Variants in F9 observed in about 807,000 individuals in gnomAD.
F9 encodes the protein Christmas factor.
A neutral mutation model predicts 34.1 loss-of-function variants in F9; 2 were observed. The observed-to-expected ratio is 0.06, with a 90% CI of 0.02 to 0.18. F9 has a LOEUF of 0.18. Ranked by LOEUF, F9 falls within the 10% of genes least tolerant of loss-of-function variation. The pLI is 1.00. For missense variants in F9, 216 were observed against 345.1 expected (o/e 0.63, Z 2.96); for synonymous variants, 137 against 118.8 (o/e 1.15, Z -1.00).
At chrX:139,553,461 T>C (rs1927889974) in intron 6 of F9, among the ~76,000 whole-genome samples, 1 of 111,878 alleles carries the variant, frequency 8.9e-6, no homozygotes, top group East Asian at 2.8e-4. Flanking sequence ...ATAACATGGT[T>C]ACAACAAAAG....
rs1927592770 is a variant in F9 at position 139,541,163 on chromosome X, G to A, written c.365G>A (p.Gly122Glu). 1 of 1,189,698 alleles carries A rather than the reference G, an allele frequency of 8.4e-7. No homozygotes were observed. The highest frequency in any genetic ancestry group is 1.8e-5 in the African/African-American group (1 of 56,679). Residue 122 changes from glycine (G) to glutamate (E), a missense_variant, in exon 4 of 8, where the codon GGA becomes GAA. Gly to Glu is a moderately conservative substitution (Grantham distance 98, BLOSUM62 -2). Around this residue, in one of 2 missense-constraint regions of F9, gnomAD observed 177 missense variants for 311.8 expected, o/e 0.57. Coordinates refer to ENST00000218099, the MANE Select transcript of F9 (RefSeq NM_000133.4). ...TCCTATGAATGTTGGTGTCCCTTTG[G>A]ATTTGAAGGAAAGAACTGTGAATTA... Reference protein sequence around the residue: ...INSYECWCPFGFEGKNCELDV... With the variant: ...INSYECWCPFEFEGKNCELDV...
At chrX:139,534,866 G>A (rs369184273) in intron 1 of F9, among the ~76,000 whole-genome samples, 4 of 111,215 alleles carry the variant, frequency 3.6e-5, no homozygotes, top group African/African-American at 1.3e-4. Flanking sequence ...CAGAGAGGTG[G>A]GTGGAGGCTG....
intron 6 of F9, among the ~76,000 whole-genome samples, chrX:139,552,445 C>T (rs1166356240): frequency 8.9e-6 from 1 of 111,870 alleles, no homozygotes; most frequent in African/African-American, 3.3e-5. Flanking sequence ...TAAGAGATTC[C>T]GTCTGTGAGA....
chrX:139,554,071 A>G lies in F9; in HGVS notation c.723+2807A>G, dbSNP rs4149719. Among the ~76,000 whole-genome samples the G allele has an allele frequency of 2.5e-3, 281 of 110,396 alleles. 1 individual carries two copies. The highest frequency in any genetic ancestry group is 8.8e-3 in the African/African-American group (267 of 30,328). The stretch of plus-strand genomic sequence containing the variant: ...TCCTGAAAGAAAGTTTAGTAACTCA[A>G]GCAGACACCTTATTTTCTTTTCAAG... On this transcript the variant is annotated intron_variant, in intron 6 of 7. Transcript: ENST00000218099.
chrX:139,559,345 G>A (rs773491536), intron 6 of F9, among the ~76,000 whole-genome samples: 4 of 112,412 alleles, frequency 3.6e-5, no homozygotes, highest in Non-Finnish European at 7.5e-5. Context: ...ACGAGGTTGA[G>A]AGATCGAGAC....
In F9 at chrX:139,537,304, A is replaced by T. The variant is rs766426379; in HGVS notation, c.253-58A>T. The T allele has an allele frequency of 1.4e-5, 16 of 1,122,932 alleles. 1 individual carries two copies. In the South Asian group the frequency reaches 3.0e-4, roughly 21 times the overall value. 92.5% of individuals were successfully genotyped at this position (1,122,932 alleles called of 1,213,427 possible). A position where few individuals can be genotyped will look rare whatever the true frequency, so the allele number is the denominator to read the frequency against. On this transcript the variant is annotated intron_variant, in intron 2 of 7. Coordinates refer to ENST00000218099, the MANE Select transcript of F9 (RefSeq NM_000133.4). Reference sequence around the variant, plus strand: ...TGTTAAATGTTATAAAAGATAGGAAATCAATACCAAAACACTTTAGATATT... The same window carrying T: ...TGTTAAATGTTATAAAAGATAGGAATTCAATACCAAAACACTTTAGATATT...
intron 6 of F9, among the ~76,000 whole-genome samples, chrX:139,552,183 GACCCTATCTCAAAAA>G (rs1219138444): frequency 9.0e-6 from 1 of 111,303 alleles, no homozygotes; most frequent in Non-Finnish European, 1.9e-5. Flanking sequence ...GACAGAGTAA[GACCCTATCTCAAAAA>G]ACAGAAAAAG....
At chrX:139,551,030 T>G (rs1473732819) in intron 5 of F9, 32 bp from the exon 6 acceptor site, 2 of 1,161,244 alleles carry the variant, frequency 1.7e-6, no homozygotes, top group South Asian at 1.8e-5. Context: ...ATGAGAAATA[T>G]CAGGTTACTA....
At chrX:139,551,287 C>G (rs1927839173) in intron 6 of F9, 23 bp downstream of exon 6, 1 of 1,170,470 alleles carries the variant, frequency 8.5e-7, no homozygotes, top group African/African-American at 1.8e-5. Flanking sequence ...GATGGTGTGT[C>G]AAAACTGGAG....
In F9 at chrX:139,559,336, C is replaced by T. The variant is rs4149744; in HGVS notation, c.724-1405C>T. 3.3e-3 allele frequency among the ~76,000 whole-genome samples: 370 copies of T among 112,369 alleles called. 7 individuals are homozygous for T. The highest frequency in any genetic ancestry group is 0.011 in the African/African-American group (340 of 30,960). On this transcript the variant is annotated intron_variant, in intron 6 of 7. Transcript: ENST00000218099. Reference sequence around the variant, plus strand: ...TTGGGAGGCCAAGGCGGGCGGATCACGAGGTTGAGAGATCGAGACCATCCT... The same window carrying T: ...TTGGGAGGCCAAGGCGGGCGGATCATGAGGTTGAGAGATCGAGACCATCCT...
In F9 at chrX:139,536,993, A is replaced by T. The variant is rs745786675; in HGVS notation, c.89-17A>T. The T allele has an allele frequency of 8.4e-7, 1 of 1,193,384 alleles. No individual in the cohort carries two copies. Among genetic ancestry groups the T allele is most frequent in the Non-Finnish European group, 1.1e-6 (1 of 881,274 alleles). On this transcript the variant is annotated splice_polypyrimidine_tract_variant and intron_variant, in intron 1 of 7. Coordinates refer to ENST00000218099, the MANE Select transcript of F9 (RefSeq NM_000133.4). ...TCTTTTTTGCTAAAACTAAAGAATT[A>T]TTCTTTTACATTTCAGTTTTTCTTG...
chrX:139,558,634 A>G (rs1291546038), intron 6 of F9, among the ~76,000 whole-genome samples: 1 of 112,609 alleles, frequency 8.9e-6, no homozygotes, highest in Non-Finnish European at 1.9e-5. Flanking sequence ...CTTTTGAACA[A>G]GGGGCCCCAC....
chrX:139,560,195 A>G (rs1353680687), intron 6 of F9, among the ~76,000 whole-genome samples: 1 of 112,143 alleles, frequency 8.9e-6, no homozygotes, highest in Non-Finnish European at 1.9e-5. Context: ...CTGGATGGCT[A>G]TAAGCACAGC....
At chrX:139,559,809 C>T (rs1928056189) in intron 6 of F9, among the ~76,000 whole-genome samples, 1 of 111,645 alleles carries the variant, frequency 9.0e-6, no homozygotes, top group African/African-American at 3.3e-5. Context: ...CTAGTCAGGT[C>T]CTGAAAAGGA....
intron 1 of F9, among the ~76,000 whole-genome samples, chrX:139,532,807 C>T (rs1008016273): frequency 3.6e-5 from 4 of 111,965 alleles, no homozygotes; most frequent in South Asian, 3.7e-4. Context: ...TTTGCAAGAA[C>T]GTGAGGTATT....
chrX:139,545,911 A>C, intron 4 of F9, among the ~76,000 whole-genome samples: 1 of 89,824 alleles, frequency 1.1e-5, no homozygotes, highest in East Asian at 2.9e-4. Context: ...TCCTAGCACT[A>C]TAATTTCTTT....
At chrX:139,544,077 TG>T (rs199857862) in intron 4 of F9, among the ~76,000 whole-genome samples, 1,539 of 111,988 alleles carry the variant, frequency 0.014, 24 homozygotes, top group African/African-American at 0.045. Flanking sequence ...ATGACAAATG[TG>T]GAGAATGATA....
intron 6 of F9, among the ~76,000 whole-genome samples, chrX:139,553,926 T>C (rs1295049715): frequency 9.3e-6 from 1 of 107,471 alleles, no homozygotes; most frequent in Non-Finnish European, 1.9e-5. Context: ...GGCAAATACA[T>C]TTAAATCAGA....
chrX:139,548,749 ATTAAT>A (rs772737848), intron 5 of F9, among the ~76,000 whole-genome samples: 10 of 112,155 alleles, frequency 8.9e-5, no homozygotes, highest in Non-Finnish European at 1.7e-4. Context: ...TCACAAAGCA[ATTAAT>A]TTGTGTGATT....
Sources: allele counts gnomAD v4.1 joint callset (sites outside exome capture counted in the v4.1 genomes callset), GRCh38; gene constraint gnomAD v4.1.1; regional missense constraint gnomAD v4.1.1; transcripts MANE v1.5; gene names NCBI Gene and HGNC (gene_info 2026-07-23, HGNC 2026-07-21).